Variants in VPS45 observed in about 807,000 individuals in gnomAD.
The protein encoded by VPS45 is vacuolar protein sorting 45 homolog, also known as vacuolar protein sorting-associated protein 45.
Under a neutral mutation model 75.9 loss-of-function variants are expected in VPS45, and 35 were observed. That is an observed-to-expected ratio of 0.46 (90% CI 0.35 to 0.61). The LOEUF (loss-of-function observed/expected upper bound fraction) is 0.61. Ranked by LOEUF, VPS45 falls within the 20% of genes least tolerant of loss-of-function variation. The pLI, the probability that VPS45 is intolerant of heterozygous loss-of-function variation, is 0.00. For missense variants in VPS45, 559 were observed against 685.9 expected, an observed-to-expected ratio of 0.81 and a Z score of 2.07; for synonymous variants, 220 against 238.2, an observed-to-expected ratio of 0.92 and a Z score of 0.70.
At chr1:150,097,094 T>TC (rs1330063313) in intron 13 of VPS45, among the ~76,000 whole-genome samples, 1 of 150,432 alleles carries the variant, frequency 6.6e-6, no homozygotes, top group Non-Finnish European at 1.5e-5. Flanking sequence ...TTCTTTCTTT[T>TC]TTTTTTTTTT....
At chr1:150,084,758 T>A (rs1334399124) in intron 10 of VPS45, among the ~76,000 whole-genome samples, 1 of 152,168 alleles carries the variant, frequency 6.6e-6, no homozygotes, top group Admixed American at 6.5e-5. Flanking sequence ...CTACCTCTCC[T>A]TACCAAAGTT....
intron 14 of VPS45, among the ~76,000 whole-genome samples, chr1:150,141,020 A>G (rs1659365293): frequency 6.6e-6 from 1 of 152,218 alleles, no homozygotes; most frequent in Non-Finnish European, 1.5e-5. Context: ...AGTATGAAAC[A>G]TAGCAGTGGC....
intron 10 of VPS45, among the ~76,000 whole-genome samples, chr1:150,090,194 C>T (rs1656253200): frequency 6.6e-6 from 1 of 152,240 alleles, no homozygotes; most frequent in South Asian, 2.1e-4. Context: ...GCCATTTCTT[C>T]CTCTGATTTC....
At chr1:150,092,477 A>T in intron 12 of VPS45, 68 bp downstream of exon 12, 1 of 1,282,936 alleles carries the variant, frequency 7.8e-7, no homozygotes, top group Non-Finnish European at 1.1e-6. Context: ...AGAGTGAATG[A>T]ATATGATCTT....
intron 13 of VPS45, among the ~76,000 whole-genome samples, chr1:150,097,821 C>T (rs1047572830): frequency 1.3e-5 from 2 of 151,906 alleles, no homozygotes; most frequent in African/African-American, 4.8e-5. Context: ...TTCACAAGCA[C>T]ATATATGTAT....
intron 14 of VPS45, among the ~76,000 whole-genome samples, chr1:150,139,074 C>T (rs1352829117): frequency 1.3e-5 from 2 of 152,114 alleles, no homozygotes; most frequent in Non-Finnish European, 2.9e-5. Context: ...ACTGCAGCTG[C>T]TTTACTCTTG....
At chr1:150,097,655 G>T (rs1430955213) in intron 13 of VPS45, among the ~76,000 whole-genome samples, 5 of 151,796 alleles carry the variant, frequency 3.3e-5, no homozygotes, top group Non-Finnish European at 5.9e-5. Flanking sequence ...GGAGGTGGAG[G>T]TTGCAGTGAG....
intron 2 of VPS45, among the ~76,000 whole-genome samples, chr1:150,070,636 C>CA (rs1449539558): frequency 0.022 from 3,145 of 141,274 alleles, 101 homozygotes; most frequent in African/African-American, 0.074. Context: ...ACTAAAAATA[C>CA]AAAAAAAAAA....
chr1:150,093,791 C>A, intron 13 of VPS45, 143 bp downstream of exon 13: 2 of 1,045,330 alleles, frequency 1.9e-6, no homozygotes, highest in Non-Finnish European at 2.7e-6. Flanking sequence ...TTACATATGT[C>A]AGCATTAGAT....
At chr1:150,072,312 C>A in intron 3 of VPS45, 86 bp downstream of exon 3, 1 of 922,832 alleles carries the variant, frequency 1.1e-6, no homozygotes, top group Non-Finnish European at 1.7e-6. Flanking sequence ...TCAATAACTT[C>A]ATTGAATCTG....
chr1:150,093,043 T>C (rs1350380047), intron 12 of VPS45, among the ~76,000 whole-genome samples: 1 of 151,936 alleles, frequency 6.6e-6, no homozygotes, highest in East Asian at 1.9e-4. Flanking sequence ...AGATGGGGTT[T>C]CACCGTGTTA....
chr1:150,069,887 G>C (rs1654947273), intron 2 of VPS45, among the ~76,000 whole-genome samples: 1 of 152,060 alleles, frequency 6.6e-6, no homozygotes, highest in Non-Finnish European at 1.5e-5. Flanking sequence ...ACTTCTCATT[G>C]CTTTTCTGAT....
At chr1:150,080,601 T>C (rs1553799112) in intron 7 of VPS45, among the ~76,000 whole-genome samples, 1 of 152,252 alleles carries the variant, frequency 6.6e-6, no homozygotes, top group Non-Finnish European at 1.5e-5. Flanking sequence ...TAAATATTTC[T>C]AGCATTTAGA....
At chr1:150,095,252 G>A (rs952751334) in intron 13 of VPS45, among the ~76,000 whole-genome samples, 1 of 152,130 alleles carries the variant, frequency 6.6e-6, no homozygotes, top group Non-Finnish European at 1.5e-5. Context: ...TGTAGGGGTG[G>A]GGAGGACTAC....
At chr1:150,137,767 T>C (rs976476375) in intron 14 of VPS45, among the ~76,000 whole-genome samples, 2 of 152,074 alleles carry the variant, frequency 1.3e-5, no homozygotes, top group Non-Finnish European at 2.9e-5. Flanking sequence ...TATAAAAAAT[T>C]AGCCAGGCAT....
intron 13 of VPS45, among the ~76,000 whole-genome samples, chr1:150,101,614 A>G (rs1553804345): frequency 6.6e-6 from 1 of 151,730 alleles, no homozygotes; most frequent in Non-Finnish European, 1.5e-5. Flanking sequence ...CGTGCCTGTA[A>G]TCTCAGCTAC....
intron 10 of VPS45, among the ~76,000 whole-genome samples, chr1:150,086,547 G>A (rs924911589): frequency 2.0e-5 from 3 of 151,902 alleles, no homozygotes; most frequent in African/African-American, 7.3e-5. Context: ...AAGTGGTTGG[G>A]ACACATTGAA....
At chr1:150,072,551 G>A (rs1236417962) in intron 3 of VPS45, among the ~76,000 whole-genome samples, 2 of 151,832 alleles carry the variant, frequency 1.3e-5, no homozygotes, top group Non-Finnish European at 2.9e-5. Flanking sequence ...CAGCTACTTG[G>A]GAGGCTGAGG....
chr1:150,101,890 T>C (rs1481529291), intron 13 of VPS45, among the ~76,000 whole-genome samples: 1 of 152,094 alleles, frequency 6.6e-6, no homozygotes, highest in Non-Finnish European at 1.5e-5. Flanking sequence ...CCATTTGACC[T>C]AGCAATCCCA....
Sources: gnomAD v4.1 joint callset for allele counts (sites outside exome capture counted in the v4.1 genomes callset) on GRCh38, gnomAD v4.1.1 for gene constraint, MANE v1.5 for transcripts, NCBI Gene and HGNC (gene_info 2026-07-23, HGNC 2026-07-21) for gene names.